Variants in CLCNKB observed in about 807,000 individuals in gnomAD.
CLCNKB encodes the protein chloride voltage-gated channel Kb.
CLCNKB carries 74 observed loss-of-function variants against 83.8 expected under a neutral mutation model. The ratio of observed to expected loss-of-function variants is 0.88; its 90% confidence interval spans 0.73 to 1.07. The LOEUF (loss-of-function observed/expected upper bound fraction) is 1.07, where lower values mean the gene tolerates loss of function less well. CLCNKB is among the 50% of genes least tolerant of loss of function. The probability of loss-of-function intolerance (pLI) is 0.00; values close to 1 mark genes in which losing one functional copy is unlikely to be tolerated. For synonymous variants in CLCNKB, 358 were observed against 356.6 expected, an observed-to-expected ratio of 1.00 and a Z score of -0.04; for missense variants, 798 against 893.6, an observed-to-expected ratio of 0.89 and a Z score of 1.36.
At position 16,049,959 on chromosome 1, in the gene CLCNKB, C is replaced by A. The variant is rs551691887; in HGVS notation, c.968+43C>A. On this transcript the variant is annotated intron_variant, in intron 10 of 19. Coordinates refer to ENST00000375679, the MANE Select transcript of CLCNKB (RefSeq NM_000085.5). ...GGCTGGGGACCTCTCAGCGAGCTCC[C>A]CCCTCACCGTACTCCCAACCTTATG... 9.8e-6 allele frequency: 15 copies of A among 1,538,398 alleles called. No homozygotes were observed. In the Admixed American group the frequency reaches 1.3e-4, roughly 14 times the overall value.
chr1:16,046,520 C>A lies in CLCNKB; in HGVS notation c.230-15C>A. ...AGAGGCTGTGGGTGCCTCCCTGATACCCGGCTGTCCCCAGCGCACCAGTGG... is the reference window on the plus strand; with the variant it reads ...AGAGGCTGTGGGTGCCTCCCTGATAACCGGCTGTCCCCAGCGCACCAGTGG... On this transcript the variant is annotated splice_polypyrimidine_tract_variant and intron_variant, in intron 3 of 19. Coordinates refer to ENST00000375679, the MANE Select transcript of CLCNKB (RefSeq NM_000085.5). 6.8e-6 allele frequency: 11 copies of A among 1,613,516 alleles called. No individual in the cohort carries two copies. Among genetic ancestry groups the A allele is most frequent in the Non-Finnish European group, 9.3e-6 (11 of 1,180,006 alleles).
chr1:16,052,265 C>T lies in CLCNKB; in HGVS notation c.1476C>T (p.Thr492=), dbSNP rs766871338. 3.7e-6 allele frequency: 6 copies of T among 1,613,332 alleles called. No individual in the cohort carries two copies. Among genetic ancestry groups the T allele is most frequent in the African/African-American group, 1.3e-5 (1 of 75,042 alleles). The change falls in exon 15 of 20, where the codon ACC becomes ACT. Residue 492 remains threonine, a synonymous_variant. Coordinates refer to ENST00000375679, the MANE Select transcript of CLCNKB (RefSeq NM_000085.5). ...ISTALLAFEV[T]GQIVHALPVL... ...CGGCGCTGCTGGCCTTCGAGGTGAC[C>T]GGCCAGATAGTGCATGCACTGCCCG... is the stretch of plus-strand genomic sequence containing the variant.
chr1:16,053,536 G>A, intron 15 of CLCNKB, 103 bp from the exon 16 acceptor site: 1 of 1,549,840 alleles, frequency 6.5e-7, no homozygotes, highest in Non-Finnish European at 8.9e-7. Context: ...ACACTCCAGA[G>A]CCGTGGGTCC....
chr1:16,053,392 G>A lies in CLCNKB; in HGVS notation c.1623-247G>A, dbSNP rs112333494. Among the ~76,000 whole-genome samples the A allele has an allele frequency of 3.2e-4, 49 of 152,242 alleles. 1 individual carries two copies. The highest frequency in any genetic ancestry group is 3.4e-3 in the Middle Eastern group (1 of 292). ...CTGCTGGGTAAAACAGGCTAAAGTG[G>A]AGCTGGTCTGGGGGACACGGGGGTC... On this transcript the variant is annotated intron_variant, in intron 15 of 19. Coordinates refer to ENST00000375679, the MANE Select transcript of CLCNKB (RefSeq NM_000085.5).
intron 13 of CLCNKB, 56 bp from the exon 14 acceptor site, chr1:16,051,654 G>C: frequency 1.9e-6 from 3 of 1,603,936 alleles, no homozygotes; most frequent in Middle Eastern, 1.7e-4. Context: ...CTCAGGGATG[G>C]AGGGCTGTGG....
chr1:16,056,508 G>A lies in CLCNKB; in HGVS notation c.2016G>A (p.Glu672=). 1.2e-6 allele frequency: 2 copies of A among 1,612,358 alleles called. No individual in the cohort carries two copies. The highest frequency in any genetic ancestry group is 1.7e-6 in the Non-Finnish European group (2 of 1,179,606). ...GRAVGCVSWV[E]MKKAISNLTN... The stretch of plus-strand genomic sequence containing the variant: ...CTGTGGGCTGCGTGTCCTGGGTGGA[G>A]GTACCAGGGTCCCGGGGGCAGAGCA... The change falls in exon 19 of 20, where the codon GAG becomes GAA. Residue 672 remains glutamate, a splice_region_variant and synonymous_variant. Coordinates refer to ENST00000375679, the MANE Select transcript of CLCNKB (RefSeq NM_000085.5).
Position 16,050,973 on chromosome 1 carries a change from C to T in CLCNKB, c.1152C>T (p.Pro384=). 6.2e-7 allele frequency: 1 copy of T among 1,614,006 alleles called. No individual in the cohort carries two copies. The highest frequency in any genetic ancestry group is 8.5e-7 in the Non-Finnish European group (1 of 1,179,998). The change falls in exon 12 of 20, where the codon CCC becomes CCT. Residue 384 remains proline (P), a synonymous_variant. Coordinates refer to ENST00000375679, the MANE Select transcript of CLCNKB (RefSeq NM_000085.5). The part of the protein sequence containing the change: ...SSPPWPEELD[P]QHLWWEWYHP... ...CACCCTGGCCCGAGGAGCTCGACCC[C>T]CAGCACCTGTGGTGGGAATGGTACC... is the stretch of plus-strand genomic sequence containing the variant.
Position 16,044,536 on chromosome 1 carries a change from C to T in CLCNKB, c.44C>T (p.Pro15Leu). ...VGLREGSSGNPVTLQELWGPC... is the reference protein window; with the variant it reads ...VGLREGSSGNLVTLQELWGPC... ...CTGCGTGAAGGCTCCTCAGGGAACC[C>T]TGTGACTCTGCAGGAGCTGTGGGGC... Residue 15 changes from proline to leucine, a missense_variant, in exon 2 of 20, where the codon CCT (proline) becomes CTT (leucine). Physicochemically the swap from Pro to Leu is moderately conservative, Grantham distance 98. Transcript: ENST00000375679. 1 of 1,607,312 alleles carries T rather than the reference C, an allele frequency of 6.2e-7. No homozygotes were observed. Among genetic ancestry groups the T allele is most frequent in the Non-Finnish European group, 8.5e-7 (1 of 1,177,698 alleles).
Position 16,051,605 on chromosome 1 carries a change from C to A in CLCNKB, c.1297+58C>A, listed in dbSNP as rs576064910. On this transcript the variant is annotated intron_variant, in intron 13 of 19. Transcript: ENST00000375679. ...CGGGGTTCTTGGGGCAGGACCATGG[C>A]TCCTGGTTCACCCTCCCCAGGTTGT... The A allele has an allele frequency of 0.11, 179,578 of 1,603,960 alleles. 11,413 individuals carry two copies. Among genetic ancestry groups the A allele is most frequent in the African/African-American group, 0.22 (16,156 of 74,624 alleles).
At position 16,049,150 on chromosome 1, in the gene CLCNKB, C is replaced by G; in HGVS notation, c.686C>G (p.Ser229Cys). The part of the protein sequence containing the change: ...GVLFSIEVMS[S>C]HFSVWDYWRG... The stretch of plus-strand genomic sequence containing the variant: ...CTGTTCAGCATCGAGGTCATGTCTT[C>G]CCACTTCTCTGTCTGGGATTACTGG... Residue 229 changes from serine to cysteine, a missense_variant, in exon 8 of 20, where the codon TCC becomes TGC. By Grantham distance (112) the Ser-to-Cys change is moderately radical. Coordinates refer to ENST00000375679, the MANE Select transcript of CLCNKB (RefSeq NM_000085.5). 6.2e-7 allele frequency: 1 copy of G among 1,613,538 alleles called. No homozygotes were observed. The highest frequency in any genetic ancestry group is 8.5e-7 in the Non-Finnish European group (1 of 1,180,018).
intron 7 of CLCNKB, 148 bp from the exon 8 acceptor site, chr1:16,048,972 A>G: frequency 6.4e-7 from 1 of 1,551,506 alleles, no homozygotes; most frequent in Non-Finnish European, 8.7e-7. Flanking sequence ...CCCAGGGCGC[A>G]TGCCCTGCCC....
Position 16,045,577 on chromosome 1 carries a change from G to A in CLCNKB, c.120G>A (p.Lys40=), listed in dbSNP as rs1187994731. 12 of 1,613,682 alleles carry A rather than the reference G, an allele frequency of 7.4e-6. No individual in the cohort carries two copies. The highest frequency in any genetic ancestry group is 6.7e-5 in the Admixed American group (4 of 60,002). Residue 40 remains lysine (K), a synonymous_variant, in exon 3 of 20, where the codon AAG becomes AAA. Coordinates refer to ENST00000375679, the MANE Select transcript of CLCNKB (RefSeq NM_000085.5). ...RGIRGGLEWL[K]QKLFRLGEDW... ...CCCCAGGTGGCCTGGAGTGGCTGAA[G>A]CAGAAGCTCTTCCGCCTGGGCGAGG... is the stretch of plus-strand genomic sequence containing the variant.
chr1:16,046,045 C>A (rs1000239043), intron 3 of CLCNKB, among the ~76,000 whole-genome samples: 3 of 152,216 alleles, frequency 2.0e-5, no homozygotes, highest in African/African-American at 7.2e-5. Flanking sequence ...CCTCCCCATC[C>A]CACCCCATCC....
intron 2 of CLCNKB, 65 bp downstream of exon 2, chr1:16,044,657 C>A: frequency 7.5e-7 from 1 of 1,337,206 alleles, no homozygotes; most frequent in Non-Finnish European, 1.0e-6. Context: ...CTGCCCAGCT[C>A]CCACCCCACC....
At position 16,056,422 on chromosome 1, in the gene CLCNKB, G is replaced by A. The variant is rs201418321; in HGVS notation, c.1930G>A (p.Ala644Thr). 1.2e-6 allele frequency: 2 copies of A among 1,614,038 alleles called. No individual in the cohort carries two copies. Among genetic ancestry groups the A allele is most frequent in the Admixed American group, 3.3e-5 (2 of 60,020 alleles). Residue 644 changes from alanine (A) to threonine (T), a missense_variant and splice_region_variant, in exon 19 of 20, where the codon GCA becomes ACA. Coordinates refer to ENST00000375679, the MANE Select transcript of CLCNKB (RefSeq NM_000085.5). ...KLSPETSLHE[A>T]HNLFELLNLH... The stretch of plus-strand genomic sequence containing the variant: ...GTGTTTCCTAACATCCCCCATCCAG[G>A]CACACAACCTCTTTGAGCTGTTGAA...
In CLCNKB at chr1:16,049,962, C is replaced by T. The variant is rs571586564; in HGVS notation, c.968+46C>T. The stretch of plus-strand genomic sequence containing the variant: ...TGGGGACCTCTCAGCGAGCTCCCCC[C>T]TCACCGTACTCCCAACCTTATGTAG... On this transcript the variant is annotated intron_variant, in intron 10 of 19. Coordinates refer to ENST00000375679, the MANE Select transcript of CLCNKB (RefSeq NM_000085.5). 64 of 1,484,590 alleles carry T rather than the reference C, an allele frequency of 4.3e-5. No individual in the cohort carries two copies. In the Admixed American group the frequency reaches 5.4e-4, roughly 12 times the overall value. 92.0% of individuals were successfully genotyped at this position (1,484,590 alleles called of 1,614,324 possible).
At chr1:16,055,561 T>TGGGGGGGG in intron 17 of CLCNKB, 38 bp downstream of exon 17, 1 of 1,187,660 alleles carries the variant, frequency 8.4e-7, no homozygotes, top group Non-Finnish European at 1.2e-6. Context: ...GGGGCGGGGG[T>TGGGGGGGG]GGGTCAGCAG....
chr1:16,045,778 T>TG lies in CLCNKB; in HGVS notation c.229+92_229+93insG. ...TGGATGTCGCCAGGTGCAGCGGAGG[T>TG]TGGGGGGGGTGCTCTGGGTGGGGAT... On this transcript the variant is annotated intron_variant, in intron 3 of 19. Coordinates refer to ENST00000375679, the MANE Select transcript of CLCNKB (RefSeq NM_000085.5). 3 of 710,336 alleles carry TG rather than the reference T, an allele frequency of 4.2e-6. No individual in the cohort carries two copies. The Admixed American group carries it at 7.3e-5, about 17-fold the overall frequency. 44.0% of individuals were successfully genotyped at this position (710,336 alleles called of 1,614,324 possible).
At chr1:16,056,582 TG>T (rs1181231418) in intron 19 of CLCNKB, 74 bp downstream of exon 19, 20 of 315,656 alleles carry the variant, frequency 6.3e-5, no homozygotes, top group African/African-American at 2.1e-4. Context: ...GGAGGTGGGG[TG>T]GGGGGGACAC....
Sources: gnomAD v4.1 joint callset for allele counts (sites outside exome capture counted in the v4.1 genomes callset) on GRCh38, gnomAD v4.1.1 for gene constraint, MANE v1.5 for transcripts, NCBI Gene and HGNC (gene_info 2026-07-23, HGNC 2026-07-21) for gene names.